Variants in GALNT17 observed in about 807,000 individuals in gnomAD.
GALNT17 encodes the protein UDP-GalNAc:polypeptide N-acetylgalactosaminyltransferase-like 3.
Under a neutral mutation model 63.7 loss-of-function variants are expected in GALNT17, and 29 were observed. That is an observed-to-expected ratio of 0.46 (90% CI 0.34 to 0.62). The LOEUF (loss-of-function observed/expected upper bound fraction) is 0.62, where lower values mean the gene tolerates loss of function less well. GALNT17 is among the 20% of genes least tolerant of loss of function. The pLI, the probability that GALNT17 is intolerant of heterozygous loss-of-function variation, is 0.01. For missense variants in GALNT17, 603 were observed against 799.6 expected (o/e 0.75, Z 2.97); for synonymous variants, 305 against 318.3 (o/e 0.96, Z 0.45).
intron 1 of GALNT17, among the ~76,000 whole-genome samples, chr7:71,272,204 TA>T (rs1790605675): frequency 6.6e-6 from 1 of 152,258 alleles, no homozygotes; most frequent in Admixed American, 6.5e-5. Flanking sequence ...CTTTCTTTTT[TA>T]CTGTTAAGTA....
chr7:71,631,383 T>G (rs1790451060), intron 6 of GALNT17, among the ~76,000 whole-genome samples: 1 of 151,776 alleles, frequency 6.6e-6, no homozygotes. Context: ...TGTAGAGAGG[T>G]CTCACTATGT....
In GALNT17 at chr7:71,603,200, G is replaced by A. The variant is rs541625573; in HGVS notation, c.1080+31798G>A. ...GTATACACTGGATATTATGCTAAGT[G>A]CATATACTAGATACTATGTTAAGTG... On this transcript the variant is annotated intron_variant, in intron 6 of 10. Coordinates refer to ENST00000333538, the MANE Select transcript of GALNT17 (RefSeq NM_022479.3). Among the ~76,000 whole-genome samples, 168 of 151,864 alleles carry A rather than the reference G, an allele frequency of 1.1e-3. 1 individual carries two copies. Among genetic ancestry groups the A allele is most frequent in the African/African-American group, 3.9e-3 (163 of 41,376 alleles).
At position 71,234,399 on chromosome 7, in the gene GALNT17, T is replaced by C. The variant is rs959012749; in HGVS notation, c.239-101151T>C. ...GGCTCAGCCTCCCAAGTAGCTAGAT[T>C]ACAGGCATCTGCCACCACACCCAGC... On this transcript the variant is annotated intron_variant, in intron 1 of 10. Transcript: ENST00000333538. Among the ~76,000 whole-genome samples, 3 of 152,146 alleles carry C rather than the reference T, an allele frequency of 2.0e-5. No homozygotes were observed. The South Asian group carries it at 6.2e-4, about 32-fold the overall frequency.
intron 1 of GALNT17, among the ~76,000 whole-genome samples, chr7:71,167,101 G>T (rs936146726): frequency 7.6e-6 from 1 of 131,376 alleles, no homozygotes; most frequent in Non-Finnish European, 1.5e-5. Context: ...TGCCCAGGCT[G>T]TTCTCAAACT....
intron 6 of GALNT17, among the ~76,000 whole-genome samples, chr7:71,647,229 A>ATTTTTTTTTTTTTTTTTTTTTT (rs5884850): frequency 7.2e-4 from 99 of 137,462 alleles, no homozygotes; most frequent in African/African-American, 1.9e-3. Flanking sequence ...GTGCCCAGCT[A>ATTTTTTTTTTTTTTTTTTTTTT]TTTTTTTTTT....
chr7:71,591,906 G>A (rs546948953), intron 6 of GALNT17, among the ~76,000 whole-genome samples: 18 of 152,282 alleles, frequency 1.2e-4, no homozygotes, highest in South Asian at 1.0e-3. Context: ...CAGGTGATCC[G>A]CCTGCCTCGG....
At chr7:71,507,250 GTAAA>G (rs1243037772) in intron 5 of GALNT17, among the ~76,000 whole-genome samples, 1 of 152,048 alleles carries the variant, frequency 6.6e-6, no homozygotes, top group Non-Finnish European at 1.5e-5. Context: ...AAATAAATAA[GTAAA>G]TAAAATAAAA....
At position 71,621,348 on chromosome 7, in the gene GALNT17, C is replaced by A. The variant is rs138561160; in HGVS notation, c.1081-44063C>A. ...TGGATCACAAGCTCTCTAAGAAGAG[C>A]ATCTATGTCGATTTTATTCATCAGT... On this transcript the variant is annotated intron_variant, in intron 6 of 10. Coordinates refer to ENST00000333538, the MANE Select transcript of GALNT17 (RefSeq NM_022479.3). 1.1e-4 allele frequency among the ~76,000 whole-genome samples: 16 copies of A among 152,284 alleles called. No homozygotes were observed. In the South Asian group the frequency reaches 3.1e-3, roughly 30 times the overall value.
intron 8 of GALNT17, among the ~76,000 whole-genome samples, chr7:71,672,903 G>C (rs1336507549): frequency 1.3e-5 from 2 of 152,044 alleles, no homozygotes; most frequent in Non-Finnish European, 2.9e-5. Flanking sequence ...TACAAGGTCA[G>C]TTACACAAGA....
chr7:71,324,884 T>C (rs1321874742), intron 1 of GALNT17, among the ~76,000 whole-genome samples: 1 of 152,140 alleles, frequency 6.6e-6, no homozygotes, highest in East Asian at 1.9e-4. Context: ...TAATAGACAT[T>C]TGTCATTTGA....
At chr7:71,138,544 A>C (rs917327469) in intron 1 of GALNT17, among the ~76,000 whole-genome samples, 1 of 152,224 alleles carries the variant, frequency 6.6e-6, no homozygotes, top group East Asian at 1.9e-4. Flanking sequence ...TCAACAGCAT[A>C]TTCTTTTTTT....
intron 5 of GALNT17, among the ~76,000 whole-genome samples, chr7:71,457,798 C>T (rs1021558555): frequency 1.3e-5 from 2 of 152,084 alleles, no homozygotes; most frequent in African/African-American, 4.8e-5. Flanking sequence ...TATCTTGTGC[C>T]GACCTCTTAT....
intron 1 of GALNT17, among the ~76,000 whole-genome samples, chr7:71,321,921 T>TTCTTCCTTCCTTCCTTCCTA (rs1791620236): frequency 3.1e-5 from 1 of 32,186 alleles, no homozygotes; most frequent in Non-Finnish European, 7.9e-5. Context: ...CTTCCTTCCT[T>TTCTTCCTTCCTTCCTTCCTA]CCCCTCCCTC....
chr7:71,307,258 G>A (rs932036680), intron 1 of GALNT17, among the ~76,000 whole-genome samples: 28 of 152,166 alleles, frequency 1.8e-4, no homozygotes, highest in African/African-American at 6.5e-4. Context: ...CCCATCAGCC[G>A]TGCACAAGGT....
At chr7:71,506,638 G>T (rs1788274290) in intron 5 of GALNT17, among the ~76,000 whole-genome samples, 1 of 152,072 alleles carries the variant, frequency 6.6e-6, no homozygotes, top group South Asian at 2.1e-4. Context: ...TATGTATGGG[G>T]TACATAGAGA....
intron 5 of GALNT17, among the ~76,000 whole-genome samples, chr7:71,429,119 A>G (rs796708814): frequency 1.1e-4 from 17 of 152,254 alleles, no homozygotes; most frequent in African/African-American, 3.6e-4. Context: ...TACAGCATCT[A>G]TTGTCAGAAT....
intron 5 of GALNT17, among the ~76,000 whole-genome samples, chr7:71,534,942 T>C (rs1788780659): frequency 6.6e-6 from 1 of 152,234 alleles, no homozygotes. Context: ...CTAGGTTCCC[T>C]TCTATCATAT....
At chr7:71,177,946 A>T (rs1485819384) in intron 1 of GALNT17, among the ~76,000 whole-genome samples, 1 of 152,130 alleles carries the variant, frequency 6.6e-6, no homozygotes, top group Admixed American at 6.6e-5. Flanking sequence ...CTAAATGTGT[A>T]TATTTTTCCT....
chr7:71,230,339 G>A (rs923582883), intron 1 of GALNT17, among the ~76,000 whole-genome samples: 1 of 152,126 alleles, frequency 6.6e-6, no homozygotes, highest in Non-Finnish European at 1.5e-5. Flanking sequence ...CCATTGCATG[G>A]AGTGAGAAGC....
Sources: allele counts gnomAD v4.1 joint callset (sites outside exome capture counted in the v4.1 genomes callset), GRCh38; gene constraint gnomAD v4.1.1; transcripts MANE v1.5; gene names NCBI Gene and HGNC (gene_info 2026-07-23, HGNC 2026-07-21).